The following IQCM variants were observed in gnomAD, a reference collection of about 807,000 sequenced individuals.
The protein encoded by IQCM is IQ domain-containing protein M.
In IQCM, 45 loss-of-function variants were observed where a neutral mutation model predicts 57.6. The observed-to-expected ratio is 0.78, with a 90% CI of 0.62 to 1.00. The LOEUF (loss-of-function observed/expected upper bound fraction) is 1.00. IQCM is among the 50% of genes least tolerant of loss of function. IQCM has a pLI of 0.00. For missense variants in IQCM, 468 were observed against 511.6 expected (o/e 0.91, Z 0.82); for synonymous variants, 148 against 158.9 (o/e 0.93, Z 0.51).
At chr4:149,741,203 G>A (rs1444773278) in intron 3 of IQCM, among the ~76,000 whole-genome samples, 1 of 151,942 alleles carries the variant, frequency 6.6e-6, no homozygotes, top group Non-Finnish European at 1.5e-5. Flanking sequence ...TAAATTAAAG[G>A]CACTCTGTTG....
At chr4:149,629,766 G>A (rs1757099331) in intron 7 of IQCM, among the ~76,000 whole-genome samples, 1 of 152,034 alleles carries the variant, frequency 6.6e-6, no homozygotes, top group Admixed American at 6.6e-5. Context: ...GCAAAAGCAA[G>A]GTATGGAGAA....
At chr4:149,459,756 T>A (rs1230625338) in intron 12 of IQCM, among the ~76,000 whole-genome samples, 1 of 152,210 alleles carries the variant, frequency 6.6e-6, no homozygotes, top group Non-Finnish European at 1.5e-5. Context: ...TCGTAGTATA[T>A]TCCAGAATTT....
chr4:149,634,205 T>C (rs1157204419), intron 7 of IQCM, among the ~76,000 whole-genome samples: 2 of 152,132 alleles, frequency 1.3e-5, no homozygotes, highest in Non-Finnish European at 2.9e-5. Flanking sequence ...AGACGGGGTT[T>C]CACCATGTTG....
intron 13 of IQCM, among the ~76,000 whole-genome samples, chr4:149,364,941 A>C (rs2110939388): frequency 6.6e-6 from 1 of 152,162 alleles, no homozygotes; most frequent in South Asian, 2.1e-4. Flanking sequence ...CTGGAGGCTA[A>C]AGACAAAATG....
chr4:149,367,003 T>C (rs1578810645), intron 13 of IQCM, among the ~76,000 whole-genome samples: 1 of 152,164 alleles, frequency 6.6e-6, no homozygotes, highest in South Asian at 2.1e-4. Flanking sequence ...TGTCATTTAA[T>C]GTATTTAATT....
At chr4:149,575,671 T>C (rs1751564931) in intron 9 of IQCM, among the ~76,000 whole-genome samples, 1 of 151,860 alleles carries the variant, frequency 6.6e-6, no homozygotes. Context: ...TCTGTTTAAC[T>C]AGATCATATC....
chr4:149,382,243 T>C lies in IQCM; in HGVS notation c.1391-30177A>G, dbSNP rs148658580. 5.4e-3 allele frequency among the ~76,000 whole-genome samples: 821 copies of C among 152,268 alleles called. 8 individuals are homozygous for C. Among genetic ancestry groups the C allele is most frequent in the African/African-American group, 0.019 (780 of 41,568 alleles). ...CTCAACAAACCCTTGAATAAGTGAATAAGTGAATTCATATAATAAAAATAC... is the reference window on the plus strand; with the variant it reads ...CTCAACAAACCCTTGAATAAGTGAACAAGTGAATTCATATAATAAAAATAC... On this transcript the variant is annotated intron_variant, in intron 13 of 13. Transcript: ENST00000636793.
chr4:149,572,215 G>A (rs2359572), intron 9 of IQCM, among the ~76,000 whole-genome samples: 115,165 of 151,956 alleles, frequency 0.76, 44,116 homozygotes, highest in South Asian at 0.9. Flanking sequence ...ATTATTTCAG[G>A]TTTATACTTA....
At chr4:149,784,501 C>T (rs974389755) in intron 2 of IQCM, among the ~76,000 whole-genome samples, 1 of 152,130 alleles carries the variant, frequency 6.6e-6, no homozygotes, top group Admixed American at 6.5e-5. Context: ...CTGCAAGCTC[C>T]GCCTCCCGGG....
At chr4:149,660,565 A>C (rs1760092935) in intron 7 of IQCM, among the ~76,000 whole-genome samples, 1 of 152,212 alleles carries the variant, frequency 6.6e-6, no homozygotes, top group Non-Finnish European at 1.5e-5. Flanking sequence ...CACAATAGCA[A>C]AGTCTTGGAA....
intron 10 of IQCM, among the ~76,000 whole-genome samples, chr4:149,560,676 C>T (rs1459918243): frequency 6.6e-6 from 1 of 152,062 alleles, no homozygotes; most frequent in Non-Finnish European, 1.5e-5. Flanking sequence ...CGATGTATGA[C>T]AGGTAAGATA....
At chr4:149,368,998 A>ATG (rs1337137847) in intron 13 of IQCM, among the ~76,000 whole-genome samples, 1 of 77,538 alleles carries the variant, frequency 1.3e-5, no homozygotes, top group Admixed American at 1.3e-4. Flanking sequence ...ACGTGTATAT[A>ATG]TATATATATA....
chr4:149,695,942 G>A (rs913903960), intron 5 of IQCM, among the ~76,000 whole-genome samples: 1 of 152,180 alleles, frequency 6.6e-6, no homozygotes, highest in Non-Finnish European at 1.5e-5. Flanking sequence ...TAGTAAGTGA[G>A]ATGGGTAAAA....
chr4:149,475,345 C>CTTATTACCA (rs1220321499), intron 12 of IQCM, among the ~76,000 whole-genome samples: 1 of 152,062 alleles, frequency 6.6e-6, no homozygotes, highest in African/African-American at 2.4e-5. Flanking sequence ...TTGTCATTAA[C>CTTATTACCA]TAAGATGGGT....
intron 13 of IQCM, among the ~76,000 whole-genome samples, chr4:149,380,632 T>C (rs1487727574): frequency 2.0e-5 from 3 of 152,150 alleles, no homozygotes; most frequent in African/African-American, 7.2e-5. Context: ...GTCATCTTTA[T>C]ATATCCTGTT....
At position 149,494,199 on chromosome 4, in the gene IQCM, G is replaced by A. The variant is rs566139848; in HGVS notation, c.1228+54256C>T. On this transcript the variant is annotated intron_variant, in intron 12 of 13. Coordinates refer to ENST00000636793, the MANE Select transcript of IQCM (RefSeq NM_001363507.2). Reference sequence around the variant, plus strand: ...TCGTTTTTAACGGCTAACATTTTGTGTGAGTTACAGTATGCACACTGCTGA... The same window carrying A: ...TCGTTTTTAACGGCTAACATTTTGTATGAGTTACAGTATGCACACTGCTGA... Among the ~76,000 whole-genome samples, 3 of 152,082 alleles carry A rather than the reference G, an allele frequency of 2.0e-5. No homozygotes were observed. In the South Asian group the frequency reaches 6.2e-4, roughly 32 times the overall value.
chr4:149,658,400 C>T (rs1277843209), intron 7 of IQCM, among the ~76,000 whole-genome samples: 1 of 152,018 alleles, frequency 6.6e-6, no homozygotes, highest in Non-Finnish European at 1.5e-5. Context: ...GTTTTGGTTA[C>T]TAAAGCTTTG....
chr4:149,755,168 T>G (rs1317536373), intron 2 of IQCM, among the ~76,000 whole-genome samples: 2 of 152,218 alleles, frequency 1.3e-5, no homozygotes, highest in Admixed American at 6.5e-5. Context: ...ATTATCAGAA[T>G]AGCCTCCTAA....
intron 12 of IQCM, among the ~76,000 whole-genome samples, chr4:149,520,910 G>T (rs184727399): frequency 6.6e-6 from 1 of 152,110 alleles, no homozygotes; most frequent in Non-Finnish European, 1.5e-5. Context: ...ACTCTCTCAA[G>T]CACCCCAGCC....
Sources: gnomAD v4.1 joint callset for allele counts (sites outside exome capture counted in the v4.1 genomes callset) on GRCh38, gnomAD v4.1.1 for gene constraint, MANE v1.5 for transcripts, NCBI Gene and HGNC (gene_info 2026-07-23, HGNC 2026-07-21) for gene names.